The following USP13 variants were observed in gnomAD, a reference collection of about 807,000 sequenced individuals.
USP13 encodes ubiquitin specific peptidase 13, also known as ubiquitin carboxyl-terminal hydrolase 13.
A neutral mutation model predicts 107.8 loss-of-function variants in USP13; 68 were observed. The ratio of observed to expected loss-of-function variants is 0.63; its 90% CI spans 0.52 to 0.77. The LOEUF (loss-of-function observed/expected upper bound fraction) is 0.77. Ranked by LOEUF, USP13 falls within the 30% of genes least tolerant of loss-of-function variation. The pLI is 0.00. For synonymous variants in USP13, 377 were observed against 389.5 expected (o/e 0.97, Z 0.38); for missense variants, 945 against 1,093.3 (o/e 0.86, Z 1.91).
chr3:179,749,900 A>G (rs1047495192), intron 13 of USP13, among the ~76,000 whole-genome samples: 20 of 152,146 alleles, frequency 1.3e-4, no homozygotes, highest in African/African-American at 4.8e-4. Context: ...GGTTGATTTC[A>G]CTGTTATGTA....
chr3:179,657,793 A>G (rs1720320969), intron 1 of USP13, among the ~76,000 whole-genome samples: 1 of 151,196 alleles, frequency 6.6e-6, no homozygotes, highest in African/African-American at 2.4e-5. Flanking sequence ...AAAAGAAAGA[A>G]AAAGAGTTAA....
chr3:179,771,468 G>C (rs560798254), intron 19 of USP13, among the ~76,000 whole-genome samples: 14 of 152,310 alleles, frequency 9.2e-5, no homozygotes, highest in Non-Finnish European at 1.8e-4. Context: ...GTGTGGTTCG[G>C]ACTAATAGAA....
At chr3:179,674,001 T>C (rs1720821265) in intron 1 of USP13, among the ~76,000 whole-genome samples, 1 of 152,242 alleles carries the variant, frequency 6.6e-6, no homozygotes, top group African/African-American at 2.4e-5. Context: ...CAAACGATTC[T>C]CCTGCCTCAG....
intron 3 of USP13, among the ~76,000 whole-genome samples, chr3:179,693,943 T>A (rs559887056): frequency 4.0e-5 from 6 of 151,750 alleles, no homozygotes; most frequent in Non-Finnish European, 8.8e-5. Context: ...CCTCCCAAAG[T>A]GCTGGGATTA....
In USP13 at chr3:179,712,570, T is replaced by A. The variant is rs1239821696; in HGVS notation, c.805+3613T>A. Among the ~76,000 whole-genome samples the A allele has an allele frequency of 2.6e-5, 4 of 152,286 alleles. No homozygotes were observed. In the East Asian group the frequency reaches 7.7e-4, roughly 29 times the overall value. Reference sequence around the variant, plus strand: ...CCTTATTTTTCTCTATTTAACATTATGTTTTTCTATGCTATTAAATATTCT... The same window carrying A: ...CCTTATTTTTCTCTATTTAACATTAAGTTTTTCTATGCTATTAAATATTCT... On this transcript the variant is annotated intron_variant, in intron 6 of 20. Coordinates refer to ENST00000263966, the MANE Select transcript of USP13 (RefSeq NM_003940.3).
At chr3:179,753,874 T>G (rs775710438) in intron 14 of USP13, among the ~76,000 whole-genome samples, 1 of 152,184 alleles carries the variant, frequency 6.6e-6, no homozygotes, top group African/African-American at 2.4e-5. Context: ...AGGGTATTAG[T>G]CTGACAAATT....
intron 1 of USP13, among the ~76,000 whole-genome samples, chr3:179,656,766 C>G (rs1720274760): frequency 6.6e-6 from 1 of 152,172 alleles, no homozygotes; most frequent in African/African-American, 2.4e-5. Flanking sequence ...TGTCTAACCC[C>G]CAGTGACATG....
chr3:179,707,194 A>C, intron 5 of USP13, 118 bp downstream of exon 5: 1 of 1,295,072 alleles, frequency 7.7e-7, no homozygotes, highest in Non-Finnish European at 1.0e-6. Flanking sequence ...GCCTTTTATT[A>C]AAAGTAAATA....
At chr3:179,668,646 T>G (rs1183089170) in intron 1 of USP13, among the ~76,000 whole-genome samples, 1 of 152,202 alleles carries the variant, frequency 6.6e-6, no homozygotes, top group African/African-American at 2.4e-5. Flanking sequence ...AACCTTGACC[T>G]CCTGGGCTTA....
intron 6 of USP13, among the ~76,000 whole-genome samples, chr3:179,718,851 G>A (rs1219892926): frequency 2.0e-5 from 3 of 152,036 alleles, no homozygotes; most frequent in African/African-American, 7.2e-5. Flanking sequence ...TCGCCTCCTG[G>A]GTTCACGCCA....
intron 12 of USP13, among the ~76,000 whole-genome samples, chr3:179,744,437 GTA>G: frequency 6.6e-6 from 1 of 150,588 alleles, no homozygotes. Context: ...TTACTTTTGT[GTA>G]TGTGTGTGTG....
chr3:179,759,313 C>G (rs1714924134), intron 16 of USP13, among the ~76,000 whole-genome samples: 1 of 152,128 alleles, frequency 6.6e-6, no homozygotes, highest in African/African-American at 2.4e-5. Context: ...ATATTATAAA[C>G]ATGTATGTTT....
At chr3:179,714,056 T>C (rs1713016979) in intron 6 of USP13, among the ~76,000 whole-genome samples, 1 of 152,160 alleles carries the variant, frequency 6.6e-6, no homozygotes, top group Admixed American at 6.5e-5. Flanking sequence ...AGCTTTCCTC[T>C]GTGGGAGGAC....
At chr3:179,684,648 T>G (rs1711802632) in intron 2 of USP13, among the ~76,000 whole-genome samples, 1 of 152,230 alleles carries the variant, frequency 6.6e-6, no homozygotes, top group Non-Finnish European at 1.5e-5. Context: ...TAACTTGCTG[T>G]TCACATTTGG....
At chr3:179,714,995 C>G (rs1026737257) in intron 6 of USP13, among the ~76,000 whole-genome samples, 1 of 151,450 alleles carries the variant, frequency 6.6e-6, no homozygotes, top group Non-Finnish European at 1.5e-5. Context: ...CTCAGCCTCC[C>G]AAGTACTGGG....
intron 1 of USP13, among the ~76,000 whole-genome samples, chr3:179,658,098 G>T (rs1232917455): frequency 6.6e-6 from 1 of 152,072 alleles, no homozygotes; most frequent in East Asian, 1.9e-4. Flanking sequence ...GGGATTACAG[G>T]TGCCCACCAC....
chr3:179,693,486 C>T (rs1712180382), intron 3 of USP13, among the ~76,000 whole-genome samples: 1 of 151,826 alleles, frequency 6.6e-6, no homozygotes, highest in Admixed American at 6.6e-5. Context: ...TCATTTTTTG[C>T]AAGTTCTGAT....
At chr3:179,748,382 A>G (rs1714485362) in intron 13 of USP13, among the ~76,000 whole-genome samples, 1 of 152,104 alleles carries the variant, frequency 6.6e-6, no homozygotes, top group African/African-American at 2.4e-5. Context: ...TTTCTAAGAG[A>G]TGTTATTTTT....
chr3:179,750,304 G>GTGTA (rs1553797352), intron 13 of USP13, among the ~76,000 whole-genome samples: 4 of 113,530 alleles, frequency 3.5e-5, no homozygotes, highest in South Asian at 6.3e-4. Context: ...ATATGTGTGT[G>GTGTA]TATATATATA....
Sources: allele counts gnomAD v4.1 joint callset (sites outside exome capture counted in the v4.1 genomes callset), GRCh38; gene constraint gnomAD v4.1.1; transcripts MANE v1.5; gene names NCBI Gene and HGNC (gene_info 2026-07-23, HGNC 2026-07-21).